The following KALRN variants were observed in gnomAD, a reference collection of about 807,000 sequenced individuals.
KALRN encodes kalirin RhoGEF kinase.
KALRN carries 70 observed loss-of-function variants against 353.7 expected under a neutral mutation model. The observed-to-expected ratio is 0.20, with a 90% CI of 0.16 to 0.24. The LOEUF (loss-of-function observed/expected upper bound fraction) is 0.24. Ranked by LOEUF, KALRN falls within the 10% of genes least tolerant of loss-of-function variation. KALRN has a pLI of 1.00. For missense variants in KALRN, 2,791 were observed against 3,756.7 expected (o/e 0.74, Z 6.72); for synonymous variants, 1,391 against 1,434.8 (o/e 0.97, Z 0.69).
intron 1 of KALRN, among the ~76,000 whole-genome samples, chr3:124,206,971 G>A (rs1419581331): frequency 2.6e-5 from 4 of 152,166 alleles, no homozygotes; most frequent in African/African-American, 9.7e-5. Context: ...CTTTCCAAGG[G>A]GTTGGTAGAA....
chr3:124,537,083 C>G (rs1056475579), intron 33 of KALRN, among the ~76,000 whole-genome samples: 15 of 152,106 alleles, frequency 9.9e-5, no homozygotes, highest in African/African-American at 2.7e-4. Flanking sequence ...ACTCTGTCAC[C>G]CAGGCTGGAA....
rs188798141 is a variant in KALRN at position 124,442,098 on chromosome 3, G to A, written c.3313+39G>A. On this transcript the variant is annotated intron_variant, in intron 19 of 59. Transcript: ENST00000682506. ...CTGCCCAGCCACCAGTCACTTCAGCGACAGCCCCTCCCTGAAATATACCAT... is the reference window on the plus strand; with the variant it reads ...CTGCCCAGCCACCAGTCACTTCAGCAACAGCCCCTCCCTGAAATATACCAT... 791 of 1,306,608 alleles carry A rather than the reference G, an allele frequency of 6.1e-4. 5 individuals carry two copies. In the African/African-American group the frequency reaches 6.7e-3, roughly 11 times the overall value. The allele number at this position is 1,306,608 out of a possible 1,614,324, so 80.9% of individuals were successfully genotyped here. A position where few individuals can be genotyped will look rare whatever the true frequency, so the allele number is the denominator to read the frequency against.
At chr3:124,687,294 G>A (rs1034065175) in intron 51 of KALRN, among the ~76,000 whole-genome samples, 1 of 152,084 alleles carries the variant, frequency 6.6e-6, no homozygotes, top group Non-Finnish European at 1.5e-5. Context: ...GATTTATAAA[G>A]AAGAAGCTGT....
chr3:124,386,288 T>C (rs1432878777), intron 11 of KALRN, among the ~76,000 whole-genome samples: 1 of 152,096 alleles, frequency 6.6e-6, no homozygotes, highest in East Asian at 1.9e-4. Flanking sequence ...CACCCAATTC[T>C]TAATGAAAGT....
chr3:124,319,370 A>G (rs970628899), intron 6 of KALRN, among the ~76,000 whole-genome samples: 17 of 151,412 alleles, frequency 1.1e-4, no homozygotes, highest in African/African-American at 3.6e-4. Flanking sequence ...AGCATTATTT[A>G]TAGTGGGGAA....
intron 33 of KALRN, among the ~76,000 whole-genome samples, chr3:124,503,905 T>C (rs2064906887): frequency 6.6e-6 from 1 of 152,238 alleles, no homozygotes; most frequent in East Asian, 1.9e-4. Flanking sequence ...TTTTACTTAA[T>C]ATTTTGATTT....
At chr3:124,606,060 C>G (rs1197690900) in intron 34 of KALRN, among the ~76,000 whole-genome samples, 1 of 152,194 alleles carries the variant, frequency 6.6e-6, no homozygotes, top group Non-Finnish European at 1.5e-5. Flanking sequence ...TCTGATTTAT[C>G]CCCATCATGA....
rs1395318707 is a variant in KALRN at position 124,439,200 on chromosome 3, T to TTACACACACACACA, written c.3198+163_3198+164insTACACACACACACA. Among the ~76,000 whole-genome samples the TTACACACACACACA allele has an allele frequency of 3.8e-3, 377 of 98,934 alleles. 3 individuals are homozygous for TTACACACACACACA. Among genetic ancestry groups the TTACACACACACACA allele is most frequent in the East Asian group, 0.029 (79 of 2,766 alleles). The allele number at this position is 98,934 out of a possible 152,430, so 64.9% of individuals were successfully genotyped here. A position where few individuals can be genotyped will look rare whatever the true frequency, so the allele number is the denominator to read the frequency against. ...TCCTTCTTCTCCTTCTCTCTCTCTCTCACACACACACACACACACACACAC... is the reference window on the plus strand; with the variant it reads ...TCCTTCTTCTCCTTCTCTCTCTCTCTTACACACACACACACACACACACACACACACACACACAC... On this transcript the variant is annotated intron_variant, in intron 18 of 59. Coordinates refer to ENST00000682506, the MANE Select transcript of KALRN (RefSeq NM_001388419.1).
intron 10 of KALRN, among the ~76,000 whole-genome samples, chr3:124,371,846 G>C (rs2085884112): frequency 6.6e-6 from 1 of 152,154 alleles, no homozygotes; most frequent in Non-Finnish European, 1.5e-5. Flanking sequence ...AGTTATTACT[G>C]ACTATAGTCA....
At chr3:124,096,417 G>T (rs1176911499) in intron 1 of KALRN, among the ~76,000 whole-genome samples, 1 of 152,160 alleles carries the variant, frequency 6.6e-6, no homozygotes, top group Non-Finnish European at 1.5e-5. Context: ...GGAACAGGTG[G>T]TATATAATAA....
intron 14 of KALRN, 80 bp from the exon 15 acceptor site, chr3:124,422,732 G>A: frequency 8.3e-7 from 1 of 1,198,364 alleles, no homozygotes. Context: ...CCAAATTCCA[G>A]TTTTCTTATG....
rs1383359664 is a variant in KALRN at position 124,719,393 on chromosome 3, C to T, written c.8884C>T (p.Arg2962Cys). The T allele has an allele frequency of 1.9e-6, 3 of 1,614,050 alleles. No individual in the cohort carries two copies. Among genetic ancestry groups the T allele is most frequent in the African/African-American group, 1.3e-5 (1 of 74,920 alleles). Reference sequence around the variant, plus strand: ...CCGCCTAGCATGCTTCATAGAACGTCGCAAGCACCAGAATGATGTGCGGCC... The same window carrying T: ...CCGCCTAGCATGCTTCATAGAACGTTGCAAGCACCAGAATGATGTGCGGCC... Reference protein sequence around the residue: ...TSRLACFIERRKHQNDVRPIP... With the variant: ...TSRLACFIERCKHQNDVRPIP... Residue 2962 changes from arginine (R) to cysteine (C), a missense_variant, in exon 60 of 60, where the codon CGC (arginine) becomes TGC (cysteine). By Grantham distance (180) the Arg-to-Cys change is radical. Coordinates refer to ENST00000682506, the MANE Select transcript of KALRN (RefSeq NM_001388419.1). This position sits in a 1 kb window ranked among gnomAD's most constrained non-coding sequence, Gnocchi z 5.3.
intron 50 of KALRN, 116 bp downstream of exon 50, chr3:124,678,429 C>A (rs2150449583): frequency 8.8e-7 from 1 of 1,130,446 alleles, no homozygotes; most frequent in Non-Finnish European, 1.3e-6. Flanking sequence ...GTATGGGTAC[C>A]AGAGGGGAAG....
intron 1 of KALRN, among the ~76,000 whole-genome samples, chr3:124,197,427 CCTT>C (rs748352824): frequency 7.2e-5 from 11 of 152,308 alleles, no homozygotes; most frequent in South Asian, 6.2e-4. Context: ...ACAGTCTTCT[CCTT>C]CTTCTTAGTT....
In KALRN at chr3:124,283,453, A is replaced by G. The variant is rs12163627; in HGVS notation, c.969+14198A>G. On this transcript the variant is annotated intron_variant, in intron 5 of 59. Coordinates refer to ENST00000682506, the MANE Select transcript of KALRN (RefSeq NM_001388419.1). Reference sequence around the variant, plus strand: ...ATATTTTATCAGCATTTGTGGTTCAAATGGAAGGAATTTGGCCACTCAGAG... The same window carrying G: ...ATATTTTATCAGCATTTGTGGTTCAGATGGAAGGAATTTGGCCACTCAGAG... Among the ~76,000 whole-genome samples, 7,413 of 152,132 alleles carry G rather than the reference A, an allele frequency of 0.049. 831 individuals carry two copies. The East Asian group carries it at 0.49, about 10-fold the overall frequency.
chr3:124,582,761 T>TTG lies in KALRN; in HGVS notation c.5182+19673_5182+19674insGT, dbSNP rs78490723. ...ACCATGTGGCAGATGCCTTGGCACATTTTTTTTGGGGGGGTTGAGCTGGGG... is the reference window on the plus strand; with the variant it reads ...ACCATGTGGCAGATGCCTTGGCACATTGTTTTTTTGGGGGGGTTGAGCTGGGG... On this transcript the variant is annotated intron_variant, in intron 34 of 59. Transcript: ENST00000682506. Among the ~76,000 whole-genome samples the TTG allele has an allele frequency of 2.2e-3, 169 of 76,070 alleles. 1 individual carries two copies. The East Asian group carries it at 0.071, about 32-fold the overall frequency. 49.9% of individuals were successfully genotyped at this position (76,070 alleles called of 152,430 possible).
Position 124,326,218 on chromosome 3 carries a change from G to C in KALRN, c.1284+47G>C. 3.9e-6 allele frequency: 6 copies of C among 1,550,432 alleles called. No homozygotes were observed. The South Asian group carries it at 4.9e-5, about 13-fold the overall frequency. ...CAGCTGCTGTTGGTAGGAAGGGTTG[G>C]GCATGGGCAGGGGAGGGCTGGATGG... On this transcript the variant is annotated intron_variant, in intron 7 of 59. Transcript: ENST00000682506.
intron 28 of KALRN, among the ~76,000 whole-genome samples, chr3:124,485,660 A>G (rs1309636535): frequency 2.6e-5 from 4 of 152,216 alleles, no homozygotes; most frequent in African/African-American, 9.6e-5. Context: ...CAGGTGGATC[A>G]CTTGAGGTCA....
chr3:124,573,000 G>A (rs1484585873), intron 34 of KALRN, among the ~76,000 whole-genome samples: 3 of 152,114 alleles, frequency 2.0e-5, no homozygotes, highest in African/African-American at 7.2e-5. Flanking sequence ...TTGAGCCATT[G>A]CACTCCAGCC....
Sources: gnomAD v4.1 joint callset for allele counts (sites outside exome capture counted in the v4.1 genomes callset) on GRCh38, gnomAD v4.1.1 for gene constraint, Gnocchi (gnomAD v3.1) non-coding constraint, MANE v1.5 for transcripts, NCBI Gene and HGNC (gene_info 2026-07-23, HGNC 2026-07-21) for gene names.